SNTB1: variants seen among roughly 807,000 people sequenced by gnomAD.
SNTB1 encodes the protein syntrophin beta 1.
SNTB1 carries 36 observed loss-of-function variants against 48.9 expected under a neutral mutation model. The observed-to-expected ratio is 0.74, with a 90% CI of 0.56 to 0.97. The LOEUF is 0.97. SNTB1 is among the 50% of genes least tolerant of loss of function. The pLI is 0.00. For missense variants in SNTB1, 786 were observed against 703.4 expected, an observed-to-expected ratio of 1.12 and a Z score of -1.33; for synonymous variants, 299 against 294.6, an observed-to-expected ratio of 1.01 and a Z score of -0.15.
intron 3 of SNTB1, among the ~76,000 whole-genome samples, chr8:120,617,576 G>A (rs1432536444): frequency 6.6e-6 from 1 of 152,162 alleles, no homozygotes; most frequent in Non-Finnish European, 1.5e-5. Flanking sequence ...CCAGTGGTGG[G>A]GACTCAAAAA....
At chr8:120,749,185 G>T (rs1291036343) in intron 1 of SNTB1, among the ~76,000 whole-genome samples, 1 of 152,204 alleles carries the variant, frequency 6.6e-6, no homozygotes, top group Non-Finnish European at 1.5e-5. Context: ...AGATTAGTTA[G>T]GAGGTCTCGG....
At chr8:120,633,654 A>G (rs1817021424) in intron 2 of SNTB1, among the ~76,000 whole-genome samples, 1 of 152,274 alleles carries the variant, frequency 6.6e-6, no homozygotes, top group Middle Eastern at 3.4e-3. Context: ...GTCCAACACC[A>G]AAACTTAGGC....
chr8:120,629,887 T>G (rs4278188), intron 3 of SNTB1, among the ~76,000 whole-genome samples: 104,109 of 152,110 alleles, frequency 0.68, 35,911 homozygotes, highest in East Asian at 0.76. Flanking sequence ...GAGCTTTATA[T>G]GCACATTTAT....
chr8:120,809,858 A>G (rs1308340301), intron 1 of SNTB1, among the ~76,000 whole-genome samples: 2 of 152,148 alleles, frequency 1.3e-5, no homozygotes, highest in Non-Finnish European at 2.9e-5. Context: ...TAGACAAACA[A>G]GGTTGGTGGG....
In SNTB1 at chr8:120,720,480, C is replaced by T. The variant is rs547232247; in HGVS notation, c.572-26572G>A. 2.6e-5 allele frequency among the ~76,000 whole-genome samples: 4 copies of T among 152,186 alleles called. No individual in the cohort carries two copies. In the South Asian group the frequency reaches 8.3e-4, roughly 32 times the overall value. On this transcript the variant is annotated intron_variant, in intron 1 of 6. Coordinates refer to ENST00000517992, the MANE Select transcript of SNTB1 (RefSeq NM_021021.4). ...CTGTTTTCATCTGCCGCAAATGAAT[C>T]CAACTCCCCAGACAACTATTGAACA...
intron 2 of SNTB1, among the ~76,000 whole-genome samples, chr8:120,678,817 T>C (rs961199361): frequency 2.0e-5 from 3 of 152,192 alleles, no homozygotes; most frequent in Non-Finnish European, 2.9e-5. Flanking sequence ...ACTCTTTGCC[T>C]TGCTCTGTGC....
At chr8:120,744,476 C>T (rs1190427564) in intron 1 of SNTB1, among the ~76,000 whole-genome samples, 2 of 152,132 alleles carry the variant, frequency 1.3e-5, no homozygotes, top group Non-Finnish European at 2.9e-5. Context: ...ATTCTCACCC[C>T]CTCAGAATAC....
At chr8:120,579,762 C>A (rs78761055) in intron 3 of SNTB1, among the ~76,000 whole-genome samples, 3,766 of 152,318 alleles carry the variant, frequency 0.025, 62 homozygotes, top group Non-Finnish European at 0.036. Context: ...TTTACCAGAA[C>A]TTTCAGTGCC....
intron 1 of SNTB1, among the ~76,000 whole-genome samples, chr8:120,765,394 C>G (rs1371476257): frequency 6.6e-6 from 1 of 152,152 alleles, no homozygotes; most frequent in African/African-American, 2.4e-5. Context: ...GACTGTTGCC[C>G]TTCCTCTTCC....
At chr8:120,561,992 G>A (rs541494167) in intron 4 of SNTB1, among the ~76,000 whole-genome samples, 2 of 152,188 alleles carry the variant, frequency 1.3e-5, no homozygotes, top group East Asian at 1.9e-4. Context: ...CCAGTCTCCC[G>A]ACTCCATCCT....
chr8:120,770,735 C>T (rs968874028), intron 1 of SNTB1, among the ~76,000 whole-genome samples: 1 of 152,160 alleles, frequency 6.6e-6, no homozygotes, highest in Non-Finnish European at 1.5e-5. Flanking sequence ...ATCACTTGAA[C>T]CCAGGAAGCA....
At chr8:120,573,596 CA>C (rs1417392701) in intron 4 of SNTB1, among the ~76,000 whole-genome samples, 1 of 152,088 alleles carries the variant, frequency 6.6e-6, no homozygotes, top group Non-Finnish European at 1.5e-5. Flanking sequence ...GTGTCATATA[CA>C]ATAAATCATT....
chr8:120,790,559 A>G (rs145046388), intron 1 of SNTB1, among the ~76,000 whole-genome samples: 274 of 152,166 alleles, frequency 1.8e-3, no homozygotes, highest in African/African-American at 6.3e-3. Flanking sequence ...AAATCAGTGT[A>G]TACAAATCAG....
intron 5 of SNTB1, among the ~76,000 whole-genome samples, chr8:120,546,864 C>A (rs896900589): frequency 6.6e-6 from 1 of 152,180 alleles, no homozygotes; most frequent in African/African-American, 2.4e-5. Context: ...CATCATTTCT[C>A]TCTGTATGTT....
At chr8:120,605,748 C>T (rs530293264) in intron 3 of SNTB1, among the ~76,000 whole-genome samples, 21 of 152,264 alleles carry the variant, frequency 1.4e-4, no homozygotes, top group African/African-American at 4.8e-4. Context: ...TGTGAGGTTG[C>T]GCTCTGACTC....
chr8:120,717,875 A>G (rs1818587885), intron 1 of SNTB1, among the ~76,000 whole-genome samples: 2 of 152,188 alleles, frequency 1.3e-5, no homozygotes, highest in African/African-American at 4.8e-5. Flanking sequence ...CTCTTTCCTC[A>G]AAAAAGAGCC....
At chr8:120,690,842 G>A (rs1223720756) in intron 2 of SNTB1, among the ~76,000 whole-genome samples, 38 of 152,120 alleles carry the variant, frequency 2.5e-4, no homozygotes, top group Non-Finnish European at 1.5e-5. Flanking sequence ...CTTCTACCAT[G>A]GGCAAGCCTC....
chr8:120,730,009 G>A (rs536875363), intron 1 of SNTB1, among the ~76,000 whole-genome samples: 5 of 152,282 alleles, frequency 3.3e-5, no homozygotes, highest in South Asian at 2.1e-4. Context: ...CATACAACAG[G>A]TGCACTGATA....
chr8:120,811,244 G>T (rs1464938145), intron 1 of SNTB1, 29 bp downstream of exon 1: 1 of 1,551,850 alleles, frequency 6.4e-7, no homozygotes, highest in South Asian at 1.2e-5. Flanking sequence ...TGCGCGCCCG[G>T]CGCGGCCCGC....
Sources: gnomAD v4.1 joint callset for allele counts (sites outside exome capture counted in the v4.1 genomes callset) on GRCh38, gnomAD v4.1.1 for gene constraint, MANE v1.5 for transcripts, NCBI Gene and HGNC (gene_info 2026-07-23, HGNC 2026-07-21) for gene names.